The following GRID2 variants were observed in gnomAD, a reference collection of about 807,000 sequenced individuals.
GRID2 encodes glutamate receptor ionotropic, delta-2.
A neutral mutation model predicts 114.8 loss-of-function variants in GRID2; 33 were observed. The ratio of observed to expected loss-of-function variants is 0.29; its 90% CI spans 0.22 to 0.38. The LOEUF (loss-of-function observed/expected upper bound fraction) is 0.38. Among genes scored for constraint, GRID2 ranks in the 10% least tolerant of loss-of-function variants. GRID2 has a pLI of 1.00. For synonymous variants in GRID2, 505 were observed against 449.9 expected, an observed-to-expected ratio of 1.12 and a Z score of -1.55; for missense variants, 1,184 against 1,257.7, an observed-to-expected ratio of 0.94 and a Z score of 0.89.
At chr4:93,622,410 G>C (rs1373236083) in intron 13 of GRID2, among the ~76,000 whole-genome samples, 1 of 152,112 alleles carries the variant, frequency 6.6e-6, no homozygotes, top group Non-Finnish European at 1.5e-5. Context: ...TGCATAAGCT[G>C]TCAGGATTGT....
intron 1 of GRID2, among the ~76,000 whole-genome samples, chr4:92,315,105 T>C (rs773191603): frequency 6.6e-6 from 1 of 152,154 alleles, no homozygotes; most frequent in Admixed American, 6.5e-5. Context: ...TTCATTAGTA[T>C]TAATATAACC....
intron 2 of GRID2, among the ~76,000 whole-genome samples, chr4:92,651,277 A>G (rs1560511607): frequency 6.6e-6 from 1 of 152,000 alleles, no homozygotes; most frequent in South Asian, 2.1e-4. Flanking sequence ...ACTCTGGGGA[A>G]TGGTGCCACA....
At chr4:93,589,425 G>C (rs549455546) in intron 13 of GRID2, among the ~76,000 whole-genome samples, 27 of 151,846 alleles carry the variant, frequency 1.8e-4, no homozygotes, top group South Asian at 4.2e-4. Context: ...GTGTATATGT[G>C]CCACATTTTC....
At chr4:93,149,298 G>GTTGGCTGACCCTGGTGC (rs1365746265) in intron 4 of GRID2, among the ~76,000 whole-genome samples, 1 of 152,094 alleles carries the variant, frequency 6.6e-6, no homozygotes, top group African/African-American at 2.4e-5. Flanking sequence ...CTGGTGCCAG[G>GTTGGCTGACCCTGGTGC]CAGGGTGGCT....
chr4:93,257,960 T>C (rs564174470), intron 8 of GRID2, among the ~76,000 whole-genome samples: 19 of 146,262 alleles, frequency 1.3e-4, no homozygotes, highest in South Asian at 4.3e-4. Context: ...TATATACATA[T>C]ACACACAATA....
intron 2 of GRID2, among the ~76,000 whole-genome samples, chr4:92,834,989 G>C (rs1742357121): frequency 6.6e-6 from 1 of 152,108 alleles, no homozygotes; most frequent in African/African-American, 2.4e-5. Context: ...AGCATGGGTT[G>C]AATACCTACA....
At chr4:92,609,374 A>G (rs918819923) in intron 2 of GRID2, among the ~76,000 whole-genome samples, 1 of 151,470 alleles carries the variant, frequency 6.6e-6, no homozygotes, top group Non-Finnish European at 1.5e-5. Flanking sequence ...CTCTCTGGGA[A>G]TGTATATTCT....
intron 2 of GRID2, among the ~76,000 whole-genome samples, chr4:92,774,811 G>C (rs1164179887): frequency 2.6e-5 from 4 of 151,934 alleles, no homozygotes; most frequent in Non-Finnish European, 4.4e-5. Flanking sequence ...GCCCAGGCTG[G>C]TCTCAAACCT....
At chr4:92,385,808 TAA>T (rs1041422297) in intron 1 of GRID2, among the ~76,000 whole-genome samples, 22 of 150,994 alleles carry the variant, frequency 1.5e-4, no homozygotes, top group Non-Finnish European at 8.9e-5. Context: ...ATGAAATAAT[TAA>T]GTTATTTGGA....
intron 5 of GRID2, among the ~76,000 whole-genome samples, chr4:93,210,637 G>A (rs928718098): frequency 1.3e-5 from 2 of 151,986 alleles, no homozygotes; most frequent in Non-Finnish European, 2.9e-5. Context: ...ATCACCCACT[G>A]TTTAAGGCTC....
At chr4:92,637,008 TTTTA>T (rs1181861407) in intron 2 of GRID2, among the ~76,000 whole-genome samples, 5 of 152,032 alleles carry the variant, frequency 3.3e-5, no homozygotes, top group Non-Finnish European at 5.9e-5. Context: ...GCCTAATATT[TTTTA>T]TTTCTTATTA....
At chr4:92,964,845 C>G (rs1206827135) in intron 2 of GRID2, among the ~76,000 whole-genome samples, 1 of 151,954 alleles carries the variant, frequency 6.6e-6, no homozygotes, top group Non-Finnish European at 1.5e-5. Context: ...CTATTCAGAC[C>G]ACTGAAACTT....
rs754345761 is a variant in GRID2 at position 92,790,439 on chromosome 4, A to C, written c.244+200153A>C. On this transcript the variant is annotated intron_variant, in intron 2 of 15. Coordinates refer to ENST00000282020, the MANE Select transcript of GRID2 (RefSeq NM_001510.4). ...TTATTTATTATCATATTTTTTGGAC[A>C]AGGTCTTATTCTGTTGCCCAGTCTG... Among the ~76,000 whole-genome samples, 146 of 151,958 alleles carry C rather than the reference A, an allele frequency of 9.6e-4. 1 individual carries two copies. The highest frequency in any genetic ancestry group is 2.0e-3 in the Non-Finnish European group (133 of 67,886).
chr4:92,371,823 G>T (rs1729130254), intron 1 of GRID2, among the ~76,000 whole-genome samples: 1 of 151,936 alleles, frequency 6.6e-6, no homozygotes, highest in Admixed American at 6.6e-5. Flanking sequence ...TCTCATAATA[G>T]ACCTGGGCAA....
intron 2 of GRID2, among the ~76,000 whole-genome samples, chr4:93,047,883 C>T (rs6811095): frequency 2.7e-5 from 4 of 147,592 alleles, no homozygotes; most frequent in Non-Finnish European, 4.5e-5. Context: ...AACAAACAAA[C>T]AAAAAAAACA....
At chr4:92,707,734 A>T (rs1471037522) in intron 2 of GRID2, among the ~76,000 whole-genome samples, 1 of 152,214 alleles carries the variant, frequency 6.6e-6, no homozygotes, top group African/African-American at 2.4e-5. Flanking sequence ...AAGAGACAAA[A>T]ATAAAATACC....
chr4:93,340,749 C>A, intron 8 of GRID2, among the ~76,000 whole-genome samples: 1 of 152,084 alleles, frequency 6.6e-6, no homozygotes, highest in East Asian at 1.9e-4. Context: ...AAGAGTTTGT[C>A]TTAGGAGCAG....
At chr4:93,698,830 G>A (rs539407450) in intron 14 of GRID2, among the ~76,000 whole-genome samples, 1 of 152,128 alleles carries the variant, frequency 6.6e-6, no homozygotes, top group South Asian at 2.1e-4. Context: ...TGATGTGATA[G>A]GTTAAAAGCA....
intron 1 of GRID2, among the ~76,000 whole-genome samples, chr4:92,364,589 A>T (rs1323452241): frequency 6.6e-6 from 1 of 152,018 alleles, no homozygotes; most frequent in African/African-American, 2.4e-5. Flanking sequence ...GAGGTCTAGT[A>T]TAGACTTTAA....
Sources: gnomAD v4.1 joint callset for allele counts (sites outside exome capture counted in the v4.1 genomes callset) on GRCh38, gnomAD v4.1.1 for gene constraint, MANE v1.5 for transcripts, NCBI Gene and HGNC (gene_info 2026-07-23, HGNC 2026-07-21) for gene names.